C3orf85: variants seen among roughly 807,000 people sequenced by gnomAD.
C3orf85 encodes the protein chromosome 3 open reading frame 85.
C3orf85 carries 1 observed loss-of-function variant against 1.7 expected under a neutral mutation model. The observed-to-expected ratio is 0.60, with a 90% CI of 0.21 to 2.86. The LOEUF (loss-of-function observed/expected upper bound fraction) is 2.86. Ranked by LOEUF, C3orf85 falls within the 30% of genes most tolerant of loss-of-function variation. C3orf85 has a pLI of 0.22. For synonymous variants in C3orf85, 17 were observed against 8.0 expected (o/e 2.13, Z -1.90); for missense variants, 29 against 21.3 (o/e 1.36, Z -0.72).
intron 2 of C3orf85, among the ~76,000 whole-genome samples, chr3:109,137,459 T>G (rs1018488974): frequency 6.6e-6 from 1 of 151,740 alleles, no homozygotes; most frequent in African/African-American, 2.4e-5. Context: ...TACAAAGATA[T>G]AAATTATCTT....
chr3:109,138,054 A>C (rs1706700614), intron 2 of C3orf85, among the ~76,000 whole-genome samples: 1 of 152,216 alleles, frequency 6.6e-6, no homozygotes, highest in Non-Finnish European at 1.5e-5. Flanking sequence ...TGAATGCTTC[A>C]GGGTCAAAAA....
chr3:109,139,938 C>T (rs1315148510), intron 2 of C3orf85, among the ~76,000 whole-genome samples: 1 of 152,150 alleles, frequency 6.6e-6, no homozygotes, highest in African/African-American at 2.4e-5. Context: ...CTTTTAAGCT[C>T]ACATATTCTA....
intron 2 of C3orf85, among the ~76,000 whole-genome samples, chr3:109,147,475 T>C (rs562892487): frequency 6.6e-6 from 1 of 152,314 alleles, no homozygotes; most frequent in Non-Finnish European, 1.5e-5. Flanking sequence ...TTGTCACATA[T>C]AGGTCAGGAG....
chr3:109,138,787 C>T (rs1706707391), intron 2 of C3orf85, among the ~76,000 whole-genome samples: 1 of 152,050 alleles, frequency 6.6e-6, no homozygotes, highest in African/African-American at 2.4e-5. Context: ...AACTTATACG[C>T]ATTGGAGCTG....
chr3:109,140,483 T>C (rs1270594270), intron 2 of C3orf85, among the ~76,000 whole-genome samples: 1 of 152,132 alleles, frequency 6.6e-6, no homozygotes, highest in Non-Finnish European at 1.5e-5. Flanking sequence ...GGTCGGAGGT[T>C]CTCCTGGGAC....
chr3:109,139,548 G>A (rs1295397824), intron 2 of C3orf85, among the ~76,000 whole-genome samples: 1 of 152,136 alleles, frequency 6.6e-6, no homozygotes, highest in African/African-American at 2.4e-5. Flanking sequence ...ACCAACTTTT[G>A]AACGCTATTA....
At chr3:109,142,193 G>C (rs1706749651) in intron 2 of C3orf85, among the ~76,000 whole-genome samples, 1 of 152,074 alleles carries the variant, frequency 6.6e-6, no homozygotes, top group Non-Finnish European at 1.5e-5. Context: ...CTTTTCTCCA[G>C]ATCCTCTTTT....
At chr3:109,142,450 C>A (rs1460866287) in intron 2 of C3orf85, among the ~76,000 whole-genome samples, 1 of 152,174 alleles carries the variant, frequency 6.6e-6, no homozygotes, top group Non-Finnish European at 1.5e-5. Context: ...GCCTGCACTG[C>A]TTACTCTCCA....
intron 2 of C3orf85, among the ~76,000 whole-genome samples, chr3:109,143,935 G>T (rs891424276): frequency 6.6e-6 from 1 of 152,082 alleles, no homozygotes; most frequent in Non-Finnish European, 1.5e-5. Context: ...TTCTGCAGAG[G>T]ATATTTAAGA....
intron 2 of C3orf85, among the ~76,000 whole-genome samples, chr3:109,140,532 C>A (rs1385207724): frequency 6.6e-6 from 1 of 152,158 alleles, no homozygotes; most frequent in Admixed American, 6.5e-5. Context: ...TTGCTTATGA[C>A]TAGATTCATT....
chr3:109,137,635 GTGTATATATATA>G (rs1415107550), intron 2 of C3orf85, among the ~76,000 whole-genome samples: 71 of 48,796 alleles, frequency 1.5e-3, no homozygotes, highest in African/African-American at 2.7e-3. Flanking sequence ...GTGTGTGTGT[GTGTATATATATA>G]TATATATATA....
chr3:109,137,631 G>GTA (rs1346453675), intron 2 of C3orf85, among the ~76,000 whole-genome samples: 2 of 59,954 alleles, frequency 3.3e-5, no homozygotes, highest in African/African-American at 8.4e-5. Flanking sequence ...GTGTGTGTGT[G>GTA]TGTGTGTATA....
At chr3:109,142,795 A>C (rs142785908) in intron 2 of C3orf85, among the ~76,000 whole-genome samples, 1 of 151,918 alleles carries the variant, frequency 6.6e-6, no homozygotes, top group Non-Finnish European at 1.5e-5. Flanking sequence ...ACCCTCCAAC[A>C]AATAGCACCC....
chr3:109,145,400 C>T (rs1361206508), intron 2 of C3orf85, among the ~76,000 whole-genome samples: 1 of 152,120 alleles, frequency 6.6e-6, no homozygotes, highest in East Asian at 1.9e-4. Flanking sequence ...TCTATGATTC[C>T]ACTTACATGT....
rs550916166 is a variant in C3orf85, at chr3:109,150,585, G to A, written c.*691G>A. Reference sequence around the variant, plus strand: ...AATAACAGTTTTGACTCACTGGCCAGGCACATTTTATAATTTTTTCAATTA... The same window carrying A: ...AATAACAGTTTTGACTCACTGGCCAAGCACATTTTATAATTTTTTCAATTA... On this transcript the variant is annotated 3_prime_UTR_variant, in exon 4 of 4. Transcript: ENST00000622536. The A allele has an allele frequency of 6.6e-6, 1 of 152,208 alleles. No homozygotes were observed. The highest frequency in any genetic ancestry group is 1.5e-5 in the Non-Finnish European group (1 of 68,014). The allele number at this position is 152,208 out of a possible 1,614,324, so 9.4% of individuals were successfully genotyped here.
At chr3:109,143,020 T>C (rs1349563112) in intron 2 of C3orf85, among the ~76,000 whole-genome samples, 1 of 152,142 alleles carries the variant, frequency 6.6e-6, no homozygotes, top group Non-Finnish European at 1.5e-5. Context: ...GGAGGGCAGT[T>C]TACTCTCAAG....
intron 2 of C3orf85, chr3:109,146,393 T>C (rs534246475): frequency 1.3e-5 from 2 of 152,352 alleles, no homozygotes; most frequent in East Asian, 3.9e-4. Context: ...ACTGCATAAC[T>C]AATTTTTCCA....
intron 2 of C3orf85, among the ~76,000 whole-genome samples, chr3:109,146,067 T>C (rs748833259): frequency 2.6e-5 from 4 of 152,232 alleles, no homozygotes; most frequent in Admixed American, 1.3e-4. Context: ...ATCAAATATG[T>C]CTTCTTCTAA....
chr3:109,137,964 C>T (rs544329194), intron 2 of C3orf85, among the ~76,000 whole-genome samples: 2 of 152,082 alleles, frequency 1.3e-5, no homozygotes, highest in South Asian at 4.2e-4. Flanking sequence ...ACCACTGATC[C>T]GTGCAGTTGA....
Sources: allele counts gnomAD v4.1 joint callset (sites outside exome capture counted in the v4.1 genomes callset), GRCh38; gene constraint gnomAD v4.1.1; transcripts MANE v1.5; gene names NCBI Gene and HGNC (gene_info 2026-07-23, HGNC 2026-07-21).